Variants in PPL observed in about 807,000 individuals in gnomAD.
The protein encoded by PPL is 190 kDa paraneoplastic pemphigus antigen.
A neutral mutation model predicts 194.4 loss-of-function variants in PPL; 198 were observed. That is an observed-to-expected ratio of 1.02 (90% confidence interval 0.91 to 1.15). The LOEUF is 1.15. Ranked by LOEUF, PPL falls within the 50% of genes most tolerant of loss-of-function variation. PPL has a pLI of 0.00. For synonymous variants in PPL, 1,220 were observed against 972.4 expected (o/e 1.25, Z -4.74); for missense variants, 2,885 against 2,294.8 (o/e 1.26, Z -5.25).
intron 12 of PPL, chr16:4,893,933 C>T: frequency 4.4e-6 from 2 of 452,788 alleles, no homozygotes; most frequent in Non-Finnish European, 3.9e-6. Context: ...TCAATAAATA[C>T]TTAATAAATG....
rs1459493812 is a variant in PPL, at chr16:4,910,924, G to C, written c.88C>G (p.Leu30Val). ...RSISNKELSE[L>V]IEQLQKNADQ... The stretch of plus-strand genomic sequence containing the variant: ...GCATTCTTCTGCAGCTGCTCGATCA[G>C]CTCCGAGAGCTCCTTGTTAGAGATG... The change falls in exon 2 of 22, where the codon CTG becomes GTG. Residue 30 changes from leucine (L) to valine (V), a missense_variant. Leu to Val is a conservative substitution (Grantham distance 32). Coordinates refer to ENST00000345988, the MANE Select transcript of PPL (RefSeq NM_002705.5). 1.2e-6 allele frequency: 2 copies of C among 1,613,008 alleles called. No individual in the cohort carries two copies. Among genetic ancestry groups the C allele is most frequent in the Non-Finnish European group, 1.7e-6 (2 of 1,179,990 alleles).
chr16:4,920,607 C>T (rs769775261), intron 1 of PPL, among the ~76,000 whole-genome samples: 10 of 152,018 alleles, frequency 6.6e-5, no homozygotes, highest in African/African-American at 1.4e-4. Flanking sequence ...GGATTACAGG[C>T]GCACGCCACC....
Position 4,882,700 on chromosome 16 carries a change from T to TAACA in PPL, c.*680_*683dup, listed in dbSNP as rs2088121046. 6.6e-6 allele frequency: 1 copy of TAACA among 152,334 alleles called. No individual in the cohort carries two copies. The highest frequency in any genetic ancestry group is 2.4e-5 in the African/African-American group (1 of 41,452). The allele number at this position is 152,334 out of a possible 1,614,324, so 9.4% of individuals were successfully genotyped here. On this transcript the variant is annotated 3_prime_UTR_variant, in exon 22 of 22. Coordinates refer to ENST00000345988, the MANE Select transcript of PPL (RefSeq NM_002705.5). ...ACTTGTAAAGCACTGAAACTAAGGC[T>TAACA]AACAGCAGCACAATCCACTATCAAA...
rs1309205188 is a variant in PPL, at chr16:4,883,621, C to A, written c.5034G>T (p.Gly1678=). 1 of 1,614,166 alleles carries A rather than the reference C, an allele frequency of 6.2e-7. No homozygotes were observed. Residue 1678 remains glycine (G), a synonymous_variant, in exon 22 of 22, where the codon GGG becomes GGT. Coordinates refer to ENST00000345988, the MANE Select transcript of PPL (RefSeq NM_002705.5). The surrounding 1 kb of genome is among the most constrained non-coding windows in gnomAD (Gnocchi z 4.8). Reference sequence around the variant, plus strand: ...TCACGAACATGTTCCAGTCAATGAGCCCGGCACGGTGGGCTTCCTCCGGGG... The same window carrying A: ...TCACGAACATGTTCCAGTCAATGAGACCGGCACGGTGGGCTTCCTCCGGGG... ...ELSPEEAHRA[G]LIDWNMFVKL...
At chr16:4,897,056 C>T (rs564703717) in intron 9 of PPL, among the ~76,000 whole-genome samples, 31 of 151,580 alleles carry the variant, frequency 2.0e-4, no homozygotes, top group African/African-American at 6.3e-4. Flanking sequence ...GCAAACTGGC[C>T]GGGTGTGGTG....
At chr16:4,931,914 C>T (rs1325720478) in intron 1 of PPL, among the ~76,000 whole-genome samples, 1 of 152,192 alleles carries the variant, frequency 6.6e-6, no homozygotes, top group Non-Finnish European at 1.5e-5. Flanking sequence ...AGTCTCATTC[C>T]TTCTTCCAAG....
intron 1 of PPL, among the ~76,000 whole-genome samples, chr16:4,918,895 G>A (rs969480253): frequency 3.9e-5 from 6 of 152,252 alleles, no homozygotes; most frequent in Non-Finnish European, 5.9e-5. Context: ...CTGGGAAACC[G>A]GCTAGGCTGG....
At chr16:4,904,115 G>A in intron 2 of PPL, 75 bp from the exon 3 acceptor site, 1 of 1,479,888 alleles carries the variant, frequency 6.8e-7, no homozygotes, top group Non-Finnish European at 9.2e-7. Flanking sequence ...GGGGTGGGAG[G>A]AAAGGGGTCA....
rs771533852 is a variant in PPL at position 4,884,622 on chromosome 16, G to A, written c.4033C>T (p.Arg1345Trp). Residue 1345 changes from arginine (R) to tryptophan (W), a missense_variant, in exon 22 of 22, where the codon CGG becomes TGG. Coordinates refer to ENST00000345988, the MANE Select transcript of PPL (RefSeq NM_002705.5). The surrounding 1 kb of genome is among the most constrained non-coding windows in gnomAD (Gnocchi z 5.7). The stretch of plus-strand genomic sequence containing the variant: ...TGCTGCACCACCCTTTCCTTCACCC[G>A]CGAGAGCTCCTCCTCTTTCCGGGCG... ...QIARKEEELS[R>W]VKERVVQQEV... 19 of 1,613,840 alleles carry A rather than the reference G, an allele frequency of 1.2e-5. No individual in the cohort carries two copies. In the East Asian group the frequency reaches 1.6e-4, roughly 13 times the overall value.
At position 4,893,244 on chromosome 16, in the gene PPL, T is replaced by G. The variant is rs762867308; in HGVS notation, c.1619A>C (p.Gln540Pro). 2 of 1,589,630 alleles carry G rather than the reference T, an allele frequency of 1.3e-6. No homozygotes were observed. Among genetic ancestry groups the G allele is most frequent in the Non-Finnish European group, 1.7e-6 (2 of 1,172,088 alleles). ...GTCCTTGGCCCGCTCGGCACTGTCC[T>G]GCACAGCCCGGCCTTGCTCCAGTGG... ...RPPLEQGRAV[Q>P]DSAERAKDLK... The change falls in exon 14 of 22, where the codon CAG (glutamine) becomes CCG (proline). Residue 540 changes from glutamine (Q) to proline (P), a missense_variant. Gln to Pro is a moderately conservative substitution (Grantham distance 76, BLOSUM62 -1). Coordinates refer to ENST00000345988, the MANE Select transcript of PPL (RefSeq NM_002705.5).
In PPL at chr16:4,937,138, G is replaced by A; in HGVS notation, c.-93C>T. The stretch of plus-strand genomic sequence containing the variant: ...GCAGGTGAGCGAGCGGCGGCGCGGG[G>A]AGCCCGGACTGCGGCGCGGCAGTGG... On this transcript the variant is annotated 5_prime_UTR_variant, in exon 1 of 22. Coordinates refer to ENST00000345988, the MANE Select transcript of PPL (RefSeq NM_002705.5). The A allele has an allele frequency of 1.1e-6, 1 of 881,018 alleles. No individual in the cohort carries two copies. The highest frequency in any genetic ancestry group is 1.4e-6 in the Non-Finnish European group (1 of 722,194). 54.6% of individuals were successfully genotyped at this position (881,018 alleles called of 1,614,324 possible).
chr16:4,929,638 C>T (rs2089202907), intron 1 of PPL, among the ~76,000 whole-genome samples: 1 of 152,206 alleles, frequency 6.6e-6, no homozygotes, highest in South Asian at 2.1e-4. Flanking sequence ...TTTCAGGCCC[C>T]TTCTTAGGAG....
rs111499322 is a variant in PPL, at chr16:4,890,179, C to G, written c.2313+5G>C. On this transcript the variant is annotated splice_donor_5th_base_variant and intron_variant, in intron 18 of 21. Transcript: ENST00000345988. Reference sequence around the variant, plus strand: ...TGCCTGGGGCTGCGGAAACGGCCATCTCACCTTCTGGTTCTTCAGCTTGGT... The same window carrying G: ...TGCCTGGGGCTGCGGAAACGGCCATGTCACCTTCTGGTTCTTCAGCTTGGT... 1.5e-3 allele frequency: 2,481 copies of G among 1,614,156 alleles called. 38 individuals carry two copies. In the African/African-American group the frequency reaches 0.028, roughly 18 times the overall value.
Position 4,893,572 on chromosome 16 carries a change from C to A in PPL, c.1461G>T (p.Arg487=). Residue 487 remains arginine, a synonymous_variant, in exon 13 of 22, where the codon CGG becomes CGT. Transcript: ENST00000345988. ...GATTCTCGGTCTTCAGCACCTCATA[C>A]CGCTGCTGCAGCGTGCGTTTGCTCC... is the stretch of plus-strand genomic sequence containing the variant. ...AAGSKRTLQQ[R]YEVLKTENPG... 1 of 1,612,332 alleles carries A rather than the reference C, an allele frequency of 6.2e-7. No individual in the cohort carries two copies. Among genetic ancestry groups the A allele is most frequent in the Non-Finnish European group, 8.5e-7 (1 of 1,179,792 alleles).
intron 14 of PPL, among the ~76,000 whole-genome samples, chr16:4,892,484 C>T (rs1020328619): frequency 9.9e-5 from 15 of 152,210 alleles, no homozygotes; most frequent in Non-Finnish European, 1.3e-4. Context: ...CAGCACTGCA[C>T]GCGGACGCTT....
chr16:4,898,824 C>G (rs2088483912), intron 8 of PPL, among the ~76,000 whole-genome samples, 189 bp downstream of exon 8: 2 of 152,194 alleles, frequency 1.3e-5, no homozygotes, highest in South Asian at 2.1e-4. Context: ...GGGCTGAGGG[C>G]AGAAGTGTCA....
Position 4,902,295 on chromosome 16 carries a change from G to A in PPL, c.438+111C>T. The A allele has an allele frequency of 4.0e-6, 6 of 1,498,920 alleles. No homozygotes were observed. The highest frequency in any genetic ancestry group is 4.5e-6 in the Non-Finnish European group (5 of 1,112,156). 92.9% of individuals were successfully genotyped at this position (1,498,920 alleles called of 1,614,324 possible). ...CTGGAAAACCATCAGGACCACGACT[G>A]TCTCCCTGGTAAGACCCGGGATGCC... is the stretch of plus-strand genomic sequence containing the variant. On this transcript the variant is annotated intron_variant, in intron 4 of 21. Coordinates refer to ENST00000345988, the MANE Select transcript of PPL (RefSeq NM_002705.5). The surrounding 1 kb of genome is among the most constrained non-coding windows in gnomAD (Gnocchi z 4.0).
chr16:4,892,378 G>A (rs2088337371), intron 14 of PPL, among the ~76,000 whole-genome samples, 165 bp from the exon 15 acceptor site: 1 of 152,250 alleles, frequency 6.6e-6, no homozygotes, highest in African/African-American at 2.4e-5. Flanking sequence ...CCAGCCTGAG[G>A]GCTGTATTTT....
rs772449350 is a variant in PPL, at chr16:4,899,237, G to C, written c.754C>G (p.Arg252Gly). The change falls in exon 7 of 22, where the codon CGG (arginine) becomes GGG (glycine). Residue 252 changes from arginine to glycine, a missense_variant. Coordinates refer to ENST00000345988, the MANE Select transcript of PPL (RefSeq NM_002705.5). ...SDRNLDYPSR[R>G]RQYENFINRN... is the part of the protein sequence containing the mutation. The stretch of plus-strand genomic sequence containing the variant: ...CCAGAACCCACCTCATACTGGCGCC[G>C]GCGGCTGGGGTAGTCGAGGTTGCGG... 6.2e-7 allele frequency: 1 copy of C among 1,613,878 alleles called. No homozygotes were observed. Among genetic ancestry groups the C allele is most frequent in the East Asian group, 2.2e-5 (1 of 44,876 alleles).
Sources: allele counts gnomAD v4.1 joint callset (sites outside exome capture counted in the v4.1 genomes callset), GRCh38; gene constraint gnomAD v4.1.1; non-coding constraint Gnocchi (gnomAD v3.1); transcripts MANE v1.5; gene names NCBI Gene and HGNC (gene_info 2026-07-23, HGNC 2026-07-21).